BOLL: variants seen among roughly 807,000 people sequenced by gnomAD.
BOLL encodes the protein boule RNA binding protein.
BOLL carries 23 observed loss-of-function variants against 44.4 expected under a neutral mutation model. That is an observed-to-expected ratio of 0.52 (90% CI 0.37 to 0.73). The LOEUF (loss-of-function observed/expected upper bound fraction) is 0.73, where lower values mean the gene tolerates loss of function less well. BOLL is among the 30% of genes least tolerant of loss of function. The pLI is 0.00. For missense variants in BOLL, 287 were observed against 338.3 expected (o/e 0.85, Z 1.19); for synonymous variants, 97 against 110.8 (o/e 0.88, Z 0.78).
chr2:197,746,379 A>C (rs1687985815), intron 9 of BOLL, among the ~76,000 whole-genome samples: 1 of 152,242 alleles, frequency 6.6e-6, no homozygotes, highest in Non-Finnish European at 1.5e-5. Context: ...ATAATAGTCA[A>C]GATATGGAAT....
At chr2:197,773,377 T>TA (rs1478444496) in intron 5 of BOLL, among the ~76,000 whole-genome samples, 1 of 151,592 alleles carries the variant, frequency 6.6e-6, no homozygotes, top group East Asian at 1.9e-4. Flanking sequence ...CAGCAAAAAA[T>TA]AAAAAAATTA....
chr2:197,758,998 G>T (rs1688633668), intron 7 of BOLL: 8 of 1,535,774 alleles, frequency 5.2e-6, no homozygotes, highest in Non-Finnish European at 7.0e-6. Context: ...GTATGACATT[G>T]TTTAATTCCC....
chr2:197,757,146 AC>A (rs1233684976), intron 8 of BOLL, among the ~76,000 whole-genome samples: 2 of 152,124 alleles, frequency 1.3e-5, no homozygotes, highest in African/African-American at 4.8e-5. Context: ...TTTGATATTC[AC>A]AAAAATCATG....
At chr2:197,785,585 C>T (rs1227236766), upstream of BOLL, among the ~76,000 whole-genome samples, 1 of 152,204 alleles carries the variant, frequency 6.6e-6, no homozygotes, top group Non-Finnish European at 1.5e-5. The surrounding 1 kb of genome is among the most constrained non-coding windows in gnomAD (Gnocchi z 6.7). Context: ...CCTGGCAACT[C>T]CTCGCCTTGG....
intron 1 of BOLL, among the ~76,000 whole-genome samples, chr2:197,783,083 A>G (rs986696361): frequency 1.3e-5 from 2 of 152,304 alleles, no homozygotes; most frequent in African/African-American, 2.4e-5. Context: ...CCATCTGGAA[A>G]CACTAAACAC....
At chr2:197,776,053 G>A (rs909257935) in intron 4 of BOLL, among the ~76,000 whole-genome samples, 3 of 151,886 alleles carry the variant, frequency 2.0e-5, no homozygotes, top group African/African-American at 7.2e-5. Flanking sequence ...GTTATTAGTG[G>A]ACACGTGAAG....
chr2:197,757,236 A>G, intron 8 of BOLL, 117 bp downstream of exon 8: 1 of 776,400 alleles, frequency 1.3e-6, no homozygotes, highest in African/African-American at 1.8e-5. Flanking sequence ...CCAAAAGAAT[A>G]AGTTAATAAA....
At chr2:197,750,070 T>G (rs986210504) in intron 9 of BOLL, among the ~76,000 whole-genome samples, 3 of 152,130 alleles carry the variant, frequency 2.0e-5, no homozygotes, top group Non-Finnish European at 2.9e-5. Context: ...GAAGGAGAAA[T>G]AAAATCCTTT....
chr2:197,779,025 C>A lies in BOLL; in HGVS notation c.171G>T (p.Gly57=). 1 of 1,611,394 alleles carries A rather than the reference C, an allele frequency of 6.2e-7. No individual in the cohort carries two copies. Among genetic ancestry groups the A allele is most frequent in the Non-Finnish European group, 8.5e-7 (1 of 1,178,488 alleles). ...TTACAATCTTCACTTCTTTCACAGACCCATACTGGGAAAAAAATTTTCTTA... is the reference window on the plus strand; with the variant it reads ...TTACAATCTTCACTTCTTTCACAGAACCATACTGGGAAAAAAATTTTCTTA... ...SDLRKFFSQY[G]SVKEVKIVND... The change falls in exon 3 of 11, where the codon GGG becomes GGT. Residue 57 remains glycine, a synonymous_variant. Transcript: ENST00000392296.
chr2:197,731,332 CAA>C (rs1687166376), intron 10 of BOLL, among the ~76,000 whole-genome samples: 1 of 147,658 alleles, frequency 6.8e-6, no homozygotes, highest in African/African-American at 2.5e-5. Context: ...GAGTGACCTA[CAA>C]AGAGACTTAG....
At chr2:197,744,621 C>T (rs1416199967) in intron 9 of BOLL, among the ~76,000 whole-genome samples, 1 of 152,116 alleles carries the variant, frequency 6.6e-6, no homozygotes, top group Non-Finnish European at 1.5e-5. Context: ...TTTTTCAAGA[C>T]ACTTGGCTTT....
In BOLL at chr2:197,779,001, T is replaced by G. The variant is rs1269428196; in HGVS notation, c.195A>C (p.Val65=). The G allele has an allele frequency of 6.2e-7, 1 of 1,611,652 alleles. No individual in the cohort carries two copies. The highest frequency in any genetic ancestry group is 2.2e-5 in the East Asian group (1 of 44,814). The change falls in exon 3 of 11, where the codon GTA becomes GTC. Residue 65 remains valine, a synonymous_variant. Coordinates refer to ENST00000392296, the MANE Select transcript of BOLL (RefSeq NM_033030.6). ...QYGSVKEVKI[V]NDRAGVSKGY... is the part of the protein sequence containing the mutation. ...CTTTGGATACTCCAGCTCTGTCATT[T>G]ACAATCTTCACTTCTTTCACAGACC...
intron 6 of BOLL, among the ~76,000 whole-genome samples, chr2:197,768,491 T>G (rs1053240016): frequency 2.0e-5 from 3 of 151,746 alleles, no homozygotes; most frequent in African/African-American, 4.8e-5. Context: ...TAATTACAAC[T>G]GGGCAAGGTG....
intron 10 of BOLL, among the ~76,000 whole-genome samples, chr2:197,738,560 T>A (rs1687598969): frequency 1.3e-5 from 2 of 152,236 alleles, no homozygotes; most frequent in African/African-American, 2.4e-5. Flanking sequence ...TAAACAGTAC[T>A]TCACAGCAGT....
At position 197,730,838 on chromosome 2, in the gene BOLL, G is replaced by A. The variant is rs1335995782; in HGVS notation, c.829-2260C>T. ...GCACTAAACATGGAAAGGAACAACC[G>A]GTACCAGCCGCTGCAAAATCATGCC... On this transcript the variant is annotated intron_variant, in intron 10 of 10. Coordinates refer to ENST00000392296, the MANE Select transcript of BOLL (RefSeq NM_033030.6). Among the ~76,000 whole-genome samples the A allele has an allele frequency of 5.9e-4, 90 of 151,994 alleles. 3 individuals are homozygous for A. Among genetic ancestry groups the A allele is most frequent in the Middle Eastern group, 3.4e-3 (1 of 294 alleles).
intron 8 of BOLL, 30 bp downstream of exon 8, chr2:197,757,323 T>C (rs774452872): frequency 6.3e-7 from 1 of 1,577,946 alleles, no homozygotes; most frequent in Non-Finnish European, 8.7e-7. Flanking sequence ...AAGAAGGATT[T>C]AAAATTATAT....
intron 10 of BOLL, among the ~76,000 whole-genome samples, chr2:197,741,452 A>T (rs1259970012): frequency 1.3e-5 from 2 of 152,160 alleles, no homozygotes; most frequent in East Asian, 3.8e-4. Flanking sequence ...TGGTACTGGT[A>T]CCAAAACAGA....
intron 5 of BOLL, chr2:197,774,539 G>A (rs961760094): frequency 2.0e-5 from 3 of 152,048 alleles, no homozygotes; most frequent in African/African-American, 7.2e-5. Flanking sequence ...AAAACTATTT[G>A]TATATGTGAA....
chr2:197,744,790 C>T (rs1687913935), intron 9 of BOLL, among the ~76,000 whole-genome samples: 1 of 152,118 alleles, frequency 6.6e-6, no homozygotes, highest in Non-Finnish European at 1.5e-5. Flanking sequence ...CCTCATTTTA[C>T]AAATAAGGAG....
Sources: allele counts gnomAD v4.1 joint callset (sites outside exome capture counted in the v4.1 genomes callset), GRCh38; gene constraint gnomAD v4.1.1; non-coding constraint Gnocchi (gnomAD v3.1); transcripts MANE v1.5; gene names NCBI Gene and HGNC (gene_info 2026-07-23, HGNC 2026-07-21).